Variants in KCNAB1 observed in about 807,000 individuals in gnomAD.
KCNAB1 encodes voltage-gated potassium channel subunit beta-1.
In KCNAB1, 35 loss-of-function variants were observed where a neutral mutation model predicts 64.6. The observed-to-expected ratio is 0.54, with a 90% CI of 0.41 to 0.72. The LOEUF is 0.72. Among genes scored for constraint, KCNAB1 ranks in the 30% least tolerant of loss-of-function variants. The pLI is 0.00. For missense variants in KCNAB1, 401 were observed against 512.9 expected, an observed-to-expected ratio of 0.78 and a Z score of 2.11; for synonymous variants, 177 against 183.8, an observed-to-expected ratio of 0.96 and a Z score of 0.30.
At chr3:156,205,578 A>C (rs1252379789) in intron 1 of KCNAB1, among the ~76,000 whole-genome samples, 1 of 152,092 alleles carries the variant, frequency 6.6e-6, no homozygotes, top group Non-Finnish European at 1.5e-5. Context: ...TCCCCTATAC[A>C]TTGGTTGTCA....
intron 1 of KCNAB1, among the ~76,000 whole-genome samples, chr3:156,295,114 AG>A (rs1451820183): frequency 6.6e-6 from 1 of 152,198 alleles, no homozygotes; most frequent in Non-Finnish European, 1.5e-5. Context: ...GTCTAATAGA[AG>A]ATATTCCTAT....
rs139067615 is a variant in KCNAB1, at chr3:156,445,261, A to T, written c.320-7638A>T. 5.5e-3 allele frequency among the ~76,000 whole-genome samples: 837 copies of T among 152,300 alleles called. 10 individuals are homozygous for T. Among genetic ancestry groups the T allele is most frequent in the African/African-American group, 0.019 (804 of 41,558 alleles). On this transcript the variant is annotated intron_variant, in intron 2 of 13. Coordinates refer to ENST00000490337, the MANE Select transcript of KCNAB1 (RefSeq NM_172160.3). ...CAGTGAGCCCAGATTGTGCCACTGCACTCAGGCCTGGGTGACAGAGCGAGA... is the reference window on the plus strand; with the variant it reads ...CAGTGAGCCCAGATTGTGCCACTGCTCTCAGGCCTGGGTGACAGAGCGAGA...
intron 1 of KCNAB1, among the ~76,000 whole-genome samples, chr3:156,380,010 A>G (rs1249230992): frequency 4.6e-5 from 7 of 152,170 alleles, no homozygotes. Flanking sequence ...TGGCTGCTCT[A>G]AGTCCTCTTT....
chr3:156,250,363 C>T (rs558912881), intron 1 of KCNAB1, among the ~76,000 whole-genome samples: 1 of 152,226 alleles, frequency 6.6e-6, no homozygotes, highest in South Asian at 2.1e-4. Context: ...TTGCCCAAGG[C>T]CAGCTGTGTT....
intron 8 of KCNAB1, 106 bp downstream of exon 8, chr3:156,474,926 TGTG>T: frequency 1.1e-6 from 1 of 930,464 alleles, no homozygotes; most frequent in Non-Finnish European, 1.7e-6. Context: ...TCAAACTGAA[TGTG>T]AAAAATAAAA....
chr3:156,502,421 C>T (rs1716507353), intron 8 of KCNAB1, among the ~76,000 whole-genome samples: 1 of 151,870 alleles, frequency 6.6e-6, no homozygotes, highest in African/African-American at 2.4e-5. Context: ...CAAAAGTACT[C>T]TAGAACATCA....
At chr3:156,303,176 T>C (rs1447375285) in intron 1 of KCNAB1, among the ~76,000 whole-genome samples, 1 of 152,226 alleles carries the variant, frequency 6.6e-6, no homozygotes, top group Non-Finnish European at 1.5e-5. Context: ...TGTTCCCCAG[T>C]TCTTTCCAAA....
At chr3:156,347,292 C>G (rs572777757) in intron 1 of KCNAB1, among the ~76,000 whole-genome samples, 1 of 152,328 alleles carries the variant, frequency 6.6e-6, no homozygotes, top group Admixed American at 6.5e-5. Context: ...AATGAGATCA[C>G]TGGTCACATC....
chr3:156,273,621 C>T (rs13093003), intron 1 of KCNAB1: 5 of 456,324 alleles, frequency 1.1e-5, no homozygotes, highest in South Asian at 3.1e-5. Flanking sequence ...GGCAATTCAC[C>T]GCTGTCTTTC....
intron 1 of KCNAB1, among the ~76,000 whole-genome samples, chr3:156,182,183 A>G (rs1174135144): frequency 3.3e-5 from 5 of 152,180 alleles, no homozygotes; most frequent in Non-Finnish European, 5.9e-5. Context: ...TCATAAGTCT[A>G]ATACCTTCTG....
chr3:156,294,264 C>G (rs1720642704), intron 1 of KCNAB1, among the ~76,000 whole-genome samples: 1 of 152,196 alleles, frequency 6.6e-6, no homozygotes, highest in Non-Finnish European at 1.5e-5. Context: ...AAGTTAGCCA[C>G]TGGGATCTTC....
chr3:156,121,416 G>C (rs1273487873), intron 1 of KCNAB1, among the ~76,000 whole-genome samples: 1 of 152,138 alleles, frequency 6.6e-6, no homozygotes, highest in Non-Finnish European at 1.5e-5. Flanking sequence ...GTCTAAGACA[G>C]ATAACATCAG....
intron 1 of KCNAB1, among the ~76,000 whole-genome samples, chr3:156,180,130 A>G (rs937256850): frequency 6.6e-6 from 1 of 152,230 alleles, no homozygotes; most frequent in African/African-American, 2.4e-5. Flanking sequence ...CAGCCTATAA[A>G]TGGTCAAAAG....
intron 1 of KCNAB1, among the ~76,000 whole-genome samples, chr3:156,190,759 T>A (rs1366652728): frequency 6.6e-6 from 1 of 152,178 alleles, no homozygotes; most frequent in Non-Finnish European, 1.5e-5. Flanking sequence ...AGTGGTGTGA[T>A]GTTGGCTCAC....
intron 1 of KCNAB1, among the ~76,000 whole-genome samples, chr3:156,141,804 T>C (rs1714721912): frequency 6.6e-6 from 1 of 152,234 alleles, no homozygotes; most frequent in South Asian, 2.1e-4. Context: ...TGCTGTGTCA[T>C]ATAGTAAGTT....
intron 2 of KCNAB1, among the ~76,000 whole-genome samples, chr3:156,422,031 C>T (rs943092867): frequency 6.6e-6 from 1 of 152,116 alleles, no homozygotes; most frequent in African/African-American, 2.4e-5. Flanking sequence ...TCCTTGTTTT[C>T]CCTTTGCCTA....
At chr3:156,143,566 CTTG>C in intron 1 of KCNAB1, 7 of 159,570 alleles carry the variant, frequency 4.4e-5, no homozygotes, top group South Asian at 2.9e-4. Context: ...GGGTTGCATT[CTTG>C]TTTTTTTTTT....
At chr3:156,408,258 C>T (rs187991373) in intron 1 of KCNAB1, among the ~76,000 whole-genome samples, 5 of 152,264 alleles carry the variant, frequency 3.3e-5, no homozygotes, top group South Asian at 4.1e-4. Context: ...AGCTAAGAAT[C>T]GGGTCACTTC....
At chr3:156,478,607 A>G (rs965037158) in intron 8 of KCNAB1, among the ~76,000 whole-genome samples, 1 of 152,180 alleles carries the variant, frequency 6.6e-6, no homozygotes, top group African/African-American at 2.4e-5. Flanking sequence ...TGTGCCCACA[A>G]TGAGCATCGC....
Sources: allele counts gnomAD v4.1 joint callset (sites outside exome capture counted in the v4.1 genomes callset), GRCh38; gene constraint gnomAD v4.1.1; transcripts MANE v1.5; gene names NCBI Gene and HGNC (gene_info 2026-07-23, HGNC 2026-07-21).